The following SPICE1 variants were observed in gnomAD, a reference collection of about 807,000 sequenced individuals.
SPICE1 encodes the protein spindle and centriole-associated protein 1.
SPICE1 carries 75 observed loss-of-function variants against 102.7 expected under a neutral mutation model. The ratio of observed to expected loss-of-function variants is 0.73; its 90% CI spans 0.61 to 0.88. The LOEUF is 0.88. SPICE1 is among the 40% of genes least tolerant of loss of function. The pLI is 0.00. For synonymous variants in SPICE1, 308 were observed against 350.3 expected, an observed-to-expected ratio of 0.88 and a Z score of 1.35; for missense variants, 979 against 1,020.1, an observed-to-expected ratio of 0.96 and a Z score of 0.55.
At chr3:113,453,419 TATTTA>T in intron 14 of SPICE1, 42 bp downstream of exon 14, 2 of 1,527,266 alleles carry the variant, frequency 1.3e-6, no homozygotes, top group South Asian at 2.7e-5. Context: ...CTAAAGTTCC[TATTTA>T]AATTCCTATA....
intron 7 of SPICE1, among the ~76,000 whole-genome samples, chr3:113,482,297 T>C (rs1167108794): frequency 2.6e-5 from 4 of 152,230 alleles, no homozygotes; most frequent in Non-Finnish European, 2.9e-5. Context: ...CTTTGTAGAT[T>C]CTGGATACTA....
chr3:113,450,371 A>T lies in SPICE1; in HGVS notation c.2288T>A (p.Met763Lys). The change falls in exon 15 of 18, where the codon ATG becomes AAG. Residue 763 changes from methionine (M) to lysine (K), a missense_variant. Met to Lys is a moderately conservative substitution (Grantham distance 95, BLOSUM62 -1). Coordinates refer to ENST00000295872, the MANE Select transcript of SPICE1 (RefSeq NM_144718.4). The stretch of plus-strand genomic sequence containing the variant: ...TCTGAGAGGTAACTGAACAGGTGAC[A>T]TTGGTGGAGAAAGATTCAAACCAAC... ...KLVGLNLSPP[M>K]SPVQLPLRAW... The T allele has an allele frequency of 6.2e-7, 1 of 1,614,192 alleles. No homozygotes were observed. The highest frequency in any genetic ancestry group is 8.5e-7 in the Non-Finnish European group (1 of 1,180,040).
At chr3:113,488,469 G>T (rs6438157) in intron 7 of SPICE1, among the ~76,000 whole-genome samples, 31,700 of 152,070 alleles carry the variant, frequency 0.21, 3,569 homozygotes, top group African/African-American at 0.29. Context: ...GATGGAGCTG[G>T]AGACCATTAT....
At chr3:113,468,556 C>A (rs1936118706) in intron 9 of SPICE1, 152 bp from the exon 10 acceptor site, 5 of 1,105,122 alleles carry the variant, frequency 4.5e-6, no homozygotes, top group Non-Finnish European at 6.4e-6. Flanking sequence ...CAGTTTAAAC[C>A]AGATTTACAC....
In SPICE1 at chr3:113,499,583, C is replaced by G; in HGVS notation, c.148-1G>C. The G allele has an allele frequency of 6.2e-7, 1 of 1,600,816 alleles. No homozygotes were observed. The highest frequency in any genetic ancestry group is 1.1e-5 in the South Asian group (1 of 88,672). On this transcript the variant is annotated splice_acceptor_variant, in intron 3 of 17. Coordinates refer to ENST00000295872, the MANE Select transcript of SPICE1 (RefSeq NM_144718.4). LOFTEE classifies it high-confidence loss of function. ...ATTTGTGTATTTCATGACGGCGTAC[C>G]TATACAGAAGAGAAAAGTACATAAA...
chr3:113,514,894 T>G lies in SPICE1; in HGVS notation c.-1+3A>C, dbSNP rs1576655285. On this transcript the variant is annotated splice_donor_region_variant and intron_variant, in intron 1 of 17. Transcript: ENST00000295872. ...ATACCCAGACACGCACCCTGACACG[T>G]ACTTGCACTCTCAAAACACAGAGCC... is the stretch of plus-strand genomic sequence containing the variant. The G allele has an allele frequency of 8.4e-7, 1 of 1,186,220 alleles. No homozygotes were observed. The highest frequency in any genetic ancestry group is 6.0e-5 in the East Asian group (1 of 16,758). The allele number at this position is 1,186,220 out of a possible 1,614,324, so 73.5% of individuals were successfully genotyped here. A position where few individuals can be genotyped will look rare whatever the true frequency, so the allele number is the denominator to read the frequency against.
chr3:113,473,437 A>G (rs1399364615), intron 7 of SPICE1, among the ~76,000 whole-genome samples: 4 of 152,106 alleles, frequency 2.6e-5, no homozygotes, highest in African/African-American at 7.2e-5. Context: ...TACAGAGAAC[A>G]CCACAAAGAT....
At chr3:113,509,634 C>T (rs906080670) in intron 1 of SPICE1, among the ~76,000 whole-genome samples, 16 of 152,202 alleles carry the variant, frequency 1.1e-4, no homozygotes, top group African/African-American at 3.9e-4. Flanking sequence ...TCTGGGTTCA[C>T]ATCCCAGCTT....
intron 10 of SPICE1, among the ~76,000 whole-genome samples, chr3:113,466,404 G>A (rs1936058025): frequency 1.3e-5 from 2 of 151,984 alleles, no homozygotes; most frequent in South Asian, 2.1e-4. Context: ...TCAAGAGATC[G>A]AGACCATCCT....
rs773562550 is a variant in SPICE1, at chr3:113,468,357, T to C, written c.937A>G (p.Ile313Val). 1.9e-6 allele frequency: 3 copies of C among 1,614,102 alleles called. No individual in the cohort carries two copies. The highest frequency in any genetic ancestry group is 1.6e-4 in the Middle Eastern group (1 of 6,084). ...GCAGAGGTTGTGCTACCTGATGATATGTTTTTCTTCGGCTTGGAAAGAGCA... is the reference window on the plus strand; with the variant it reads ...GCAGAGGTTGTGCTACCTGATGATACGTTTTTCTTCGGCTTGGAAAGAGCA... Reference protein sequence around the residue: ...LHALSKPKKNISSGSTTSADL... With the variant: ...LHALSKPKKNVSSGSTTSADL... Residue 313 changes from isoleucine to valine, a missense_variant, in exon 10 of 18, where the codon ATA becomes GTA. Coordinates refer to ENST00000295872, the MANE Select transcript of SPICE1 (RefSeq NM_144718.4).
intron 7 of SPICE1, among the ~76,000 whole-genome samples, chr3:113,473,468 C>A (rs1382436985): frequency 1.3e-5 from 2 of 152,012 alleles, no homozygotes; most frequent in East Asian, 1.9e-4. Context: ...AAGAGCAACA[C>A]CAAGACGCAT....
At chr3:113,469,038 T>C in intron 8 of SPICE1, 61 bp downstream of exon 8, 2 of 1,572,038 alleles carry the variant, frequency 1.3e-6, no homozygotes, top group Non-Finnish European at 1.7e-6. Flanking sequence ...CAAAAATTAC[T>C]GCATTCAAGA....
At chr3:113,483,661 T>A (rs1306659216) in intron 7 of SPICE1, among the ~76,000 whole-genome samples, 1 of 152,228 alleles carries the variant, frequency 6.6e-6, no homozygotes, top group Admixed American at 6.5e-5. Context: ...TTGGTTCTGT[T>A]TATGTGATGG....
chr3:113,468,509 T>C, intron 9 of SPICE1, 105 bp from the exon 10 acceptor site: 1 of 1,300,800 alleles, frequency 7.7e-7, no homozygotes, highest in Non-Finnish European at 1.1e-6. Flanking sequence ...AAAAGGCTTG[T>C]ATAGACGATA....
chr3:113,457,076 T>C (rs1415492366), intron 13 of SPICE1, 60 bp downstream of exon 13: 11 of 1,496,388 alleles, frequency 7.4e-6, no homozygotes, highest in Middle Eastern at 1.9e-4. Context: ...GTGAAAGTAA[T>C]ACATTGCACA....
At chr3:113,494,791 T>C (rs1184394635) in intron 4 of SPICE1, among the ~76,000 whole-genome samples, 2 of 152,242 alleles carry the variant, frequency 1.3e-5, no homozygotes, top group Non-Finnish European at 2.9e-5. Context: ...GATATTTTCT[T>C]GTTAATTTCT....
At chr3:113,509,483 A>G (rs1483173048) in intron 1 of SPICE1, among the ~76,000 whole-genome samples, 9 of 152,192 alleles carry the variant, frequency 5.9e-5, no homozygotes, top group Non-Finnish European at 1.2e-4. Context: ...TATATTCTCA[A>G]TGATGTTAGA....
chr3:113,478,380 A>T (rs1936412654), intron 7 of SPICE1, among the ~76,000 whole-genome samples: 1 of 152,184 alleles, frequency 6.6e-6, no homozygotes, highest in South Asian at 2.1e-4. Flanking sequence ...AAATGTAAAA[A>T]GCCAAGATAA....
At chr3:113,501,480 TAAGAA>T (rs1276860046) in intron 3 of SPICE1, among the ~76,000 whole-genome samples, 1 of 152,062 alleles carries the variant, frequency 6.6e-6, no homozygotes, top group African/African-American at 2.4e-5. Flanking sequence ...AAAAAACAAC[TAAGAA>T]AATGGGAGAA....
Sources: gnomAD v4.1 joint callset for allele counts (sites outside exome capture counted in the v4.1 genomes callset) on GRCh38, gnomAD v4.1.1 for gene constraint, MANE v1.5 for transcripts, NCBI Gene and HGNC (gene_info 2026-07-23, HGNC 2026-07-21) for gene names.